Variants in CSMD1 observed in about 807,000 individuals in gnomAD.
CSMD1 encodes CUB and Sushi multiple domains 1, also known as CUB and sushi domain-containing protein 1.
In CSMD1, 213 loss-of-function variants were observed where a neutral mutation model predicts 417.5. That is an observed-to-expected ratio of 0.51 (90% confidence interval 0.46 to 0.57). The LOEUF (loss-of-function observed/expected upper bound fraction) is 0.57. Among genes scored for constraint, CSMD1 ranks in the 20% least tolerant of loss-of-function variants. CSMD1 has a pLI of 0.00. For synonymous variants in CSMD1, 2,862 were observed against 1,736.8 expected (o/e 1.65, Z -16.11); for missense variants, 6,923 against 4,529.7 (o/e 1.53, Z -15.17).
At chr8:3,897,063 G>A (rs565442366) in intron 5 of CSMD1, among the ~76,000 whole-genome samples, 60 of 151,906 alleles carry the variant, frequency 3.9e-4, no homozygotes, top group African/African-American at 1.3e-3. Context: ...GGAAATTATT[G>A]TACTGGAAGT....
chr8:4,552,621 G>C (rs551098109), intron 2 of CSMD1, among the ~76,000 whole-genome samples: 120 of 151,300 alleles, frequency 7.9e-4, no homozygotes, highest in African/African-American at 2.9e-3. Flanking sequence ...GTTTCAATTG[G>C]GGAAAAAAAA....
chr8:4,428,899 G>A (rs1244572966), intron 2 of CSMD1, among the ~76,000 whole-genome samples: 1 of 151,934 alleles, frequency 6.6e-6, no homozygotes, highest in African/African-American at 2.4e-5. Flanking sequence ...ATTTTTAACA[G>A]AGACAGGGTT....
chr8:3,912,867 T>C (rs974053669), intron 5 of CSMD1, among the ~76,000 whole-genome samples: 2 of 152,154 alleles, frequency 1.3e-5, no homozygotes, highest in African/African-American at 4.8e-5. Flanking sequence ...GGCGTAGTAG[T>C]GATGGTGATG....
At chr8:4,307,156 C>T (rs1203632376) in intron 3 of CSMD1, among the ~76,000 whole-genome samples, 1 of 152,192 alleles carries the variant, frequency 6.6e-6, no homozygotes, top group Non-Finnish European at 1.5e-5. Context: ...TTCTACTTCT[C>T]ATCTTCAGCA....
At chr8:4,941,895 T>G (rs571803695) in intron 1 of CSMD1, among the ~76,000 whole-genome samples, 1 of 152,300 alleles carries the variant, frequency 6.6e-6, no homozygotes, top group East Asian at 1.9e-4. Context: ...CCACCACATC[T>G]GGCCCCATCA....
At chr8:3,408,332 G>A (rs1173655967) in intron 13 of CSMD1, 107 bp from the exon 14 acceptor site, 2 of 724,336 alleles carry the variant, frequency 2.8e-6, no homozygotes, top group Non-Finnish European at 4.5e-6. Flanking sequence ...CCTGCAAATA[G>A]CTATGATGAT....
At position 4,658,202 on chromosome 8, in the gene CSMD1, A is replaced by G. The variant is rs138617151; in HGVS notation, c.86-20644T>C. The stretch of plus-strand genomic sequence containing the variant: ...AATAATGTTTGAATAAATGACTGCA[A>G]ATTTCCAAAATTTACTAATCAAAAT... On this transcript the variant is annotated intron_variant, in intron 1 of 69. Transcript: ENST00000635120. 1.6e-3 allele frequency among the ~76,000 whole-genome samples: 247 copies of G among 152,314 alleles called. 2 individuals are homozygous for G. The highest frequency in any genetic ancestry group is 0.014 in the East Asian group (71 of 5,186).
intron 5 of CSMD1, among the ~76,000 whole-genome samples, chr8:3,850,122 G>C (rs1803797225): frequency 6.6e-6 from 1 of 152,180 alleles, no homozygotes; most frequent in South Asian, 2.1e-4. Context: ...GATACATTTG[G>C]GCGATGTCGC....
intron 59 of CSMD1, among the ~76,000 whole-genome samples, chr8:2,965,411 C>T (rs994417412): frequency 3.9e-5 from 6 of 152,122 alleles, no homozygotes; most frequent in Non-Finnish European, 7.4e-5. Context: ...TAAATTCCTA[C>T]AATTAGATTC....
intron 10 of CSMD1, among the ~76,000 whole-genome samples, chr8:3,545,029 A>T (rs1006991368): frequency 6.6e-6 from 1 of 152,206 alleles, no homozygotes. Flanking sequence ...TCAGGACAGT[A>T]TAAAGTTAAT....
chr8:4,751,340 G>A (rs941290395), intron 1 of CSMD1, among the ~76,000 whole-genome samples: 6 of 151,896 alleles, frequency 4.0e-5, no homozygotes, highest in African/African-American at 9.7e-5. Context: ...AGAGTGAGCC[G>A]AGATAGCGCC....
intron 7 of CSMD1, among the ~76,000 whole-genome samples, chr8:3,673,520 G>C (rs549346600): frequency 6.6e-6 from 1 of 152,270 alleles, no homozygotes; most frequent in South Asian, 2.1e-4. Flanking sequence ...CATTTTACAG[G>C]AGAAAGTGTT....
At chr8:4,161,477 T>C (rs559565918) in intron 3 of CSMD1, among the ~76,000 whole-genome samples, 1 of 152,330 alleles carries the variant, frequency 6.6e-6, no homozygotes, top group African/African-American at 2.4e-5. Context: ...CTCAAGGTCA[T>C]GCTGCTGTTG....
intron 49 of CSMD1, among the ~76,000 whole-genome samples, chr8:3,056,297 C>G (rs1226690561): frequency 6.6e-6 from 1 of 152,186 alleles, no homozygotes. Flanking sequence ...CATGGGATTT[C>G]TTCTTTGGAT....
intron 10 of CSMD1, among the ~76,000 whole-genome samples, chr8:3,507,444 G>C (rs1796875501): frequency 6.6e-6 from 1 of 152,152 alleles, no homozygotes; most frequent in Non-Finnish European, 1.5e-5. Context: ...TTGCTATTGT[G>C]AATAGTGCCA....
intron 23 of CSMD1, among the ~76,000 whole-genome samples, chr8:3,320,325 C>G (rs151334147): frequency 1.3e-5 from 2 of 152,134 alleles, no homozygotes; most frequent in African/African-American, 4.8e-5. Context: ...GCCCCTGCCT[C>G]GTGCCTCCTT....
intron 10 of CSMD1, among the ~76,000 whole-genome samples, chr8:3,535,256 G>C (rs1486952240): frequency 6.6e-6 from 1 of 152,142 alleles, no homozygotes; most frequent in Non-Finnish European, 1.5e-5. Flanking sequence ...CCCAGCCACT[G>C]TGGGAAGCTA....
chr8:2,977,279 G>A (rs1006788873), intron 55 of CSMD1, among the ~76,000 whole-genome samples: 3 of 152,004 alleles, frequency 2.0e-5, no homozygotes, highest in Admixed American at 6.6e-5. Context: ...CCTACTGACA[G>A]GCCTCAGTGA....
intron 10 of CSMD1, among the ~76,000 whole-genome samples, chr8:3,565,539 T>C (rs1799668934): frequency 2.0e-5 from 3 of 152,230 alleles, no homozygotes; most frequent in Admixed American, 6.5e-5. Context: ...CATAGGTTTC[T>C]ATGTTAACCT....
Sources: gnomAD v4.1 joint callset for allele counts (sites outside exome capture counted in the v4.1 genomes callset) on GRCh38, gnomAD v4.1.1 for gene constraint, MANE v1.5 for transcripts, NCBI Gene and HGNC (gene_info 2026-07-23, HGNC 2026-07-21) for gene names.